SH3PXD2A: variants seen among roughly 807,000 people sequenced by gnomAD.
SH3PXD2A encodes the protein SH3 and PX domain-containing protein 2A.
In SH3PXD2A, 32 loss-of-function variants were observed where a neutral mutation model predicts 115.2. That is an observed-to-expected ratio of 0.28 (90% CI 0.21 to 0.37). The LOEUF (loss-of-function observed/expected upper bound fraction) is 0.37. Ranked by LOEUF, SH3PXD2A falls within the 10% of genes least tolerant of loss-of-function variation. SH3PXD2A has a pLI of 1.00. For missense variants in SH3PXD2A, 1,328 were observed against 1,498.7 expected, an observed-to-expected ratio of 0.89 and a Z score of 1.88; for synonymous variants, 610 against 629.1, an observed-to-expected ratio of 0.97 and a Z score of 0.45.
intron 1 of SH3PXD2A, among the ~76,000 whole-genome samples, chr10:103,851,322 C>G (rs929906561): frequency 4.6e-5 from 7 of 152,124 alleles, no homozygotes; most frequent in Non-Finnish European, 7.4e-5. Context: ...GGACCAGATA[C>G]CAGCCTGAAG....
At chr10:103,667,955 C>T (rs2134076005) in intron 7 of SH3PXD2A, among the ~76,000 whole-genome samples, 1 of 152,354 alleles carries the variant, frequency 6.6e-6, no homozygotes, top group Middle Eastern at 3.4e-3. Flanking sequence ...CAGACACAGG[C>T]CAAGGCCCTA....
chr10:103,610,686 T>C (rs1412211799), intron 13 of SH3PXD2A, among the ~76,000 whole-genome samples: 1 of 152,148 alleles, frequency 6.6e-6, no homozygotes, highest in Non-Finnish European at 1.5e-5. Context: ...CAGGTAGTAT[T>C]ACCAAGCAGG....
chr10:103,727,126 T>C (rs1402941843), intron 4 of SH3PXD2A, among the ~76,000 whole-genome samples: 1 of 152,136 alleles, frequency 6.6e-6, no homozygotes, highest in East Asian at 1.9e-4. Context: ...TCTAATGACA[T>C]GTCACCCCAT....
intron 5 of SH3PXD2A, among the ~76,000 whole-genome samples, chr10:103,710,406 C>T (rs1026661549): frequency 1.3e-5 from 2 of 152,106 alleles, no homozygotes; most frequent in Non-Finnish European, 2.9e-5. Context: ...AAATGTAAAT[C>T]GCTTAGAAGA....
chr10:103,842,220 C>CT (rs1345898440), intron 1 of SH3PXD2A, among the ~76,000 whole-genome samples: 3 of 147,858 alleles, frequency 2.0e-5, no homozygotes, highest in Non-Finnish European at 4.5e-5. Context: ...ATTCAACCCC[C>CT]ATCTCATACA....
At chr10:103,806,470 G>A (rs990271915) in intron 1 of SH3PXD2A, among the ~76,000 whole-genome samples, 2 of 152,102 alleles carry the variant, frequency 1.3e-5, no homozygotes, top group Non-Finnish European at 2.9e-5. Context: ...AAACTTCAGA[G>A]AGAAACCACA....
chr10:103,853,459 T>C (rs572205304), intron 1 of SH3PXD2A, among the ~76,000 whole-genome samples: 4 of 152,218 alleles, frequency 2.6e-5, no homozygotes, highest in Admixed American at 6.5e-5. Context: ...TTACTTGAAA[T>C]TGAGTAAACT....
chr10:103,788,136 A>G (rs1399158499), intron 2 of SH3PXD2A, among the ~76,000 whole-genome samples: 1 of 152,198 alleles, frequency 6.6e-6, no homozygotes, highest in East Asian at 1.9e-4. Flanking sequence ...GGCAGCACCA[A>G]CAATCTCATA....
chr10:103,615,696 T>C (rs1335990177), intron 11 of SH3PXD2A, among the ~76,000 whole-genome samples: 1 of 152,010 alleles, frequency 6.6e-6, no homozygotes, highest in Non-Finnish European at 1.5e-5. Context: ...GACTAGGCCA[T>C]GGGGATAGGA....
In SH3PXD2A at chr10:103,627,062, C is replaced by T. The variant is rs781529716; in HGVS notation, c.718+27G>A. 2 of 1,333,622 alleles carry T rather than the reference C, an allele frequency of 1.5e-6. No individual in the cohort carries two copies. The highest frequency in any genetic ancestry group is 2.2e-6 in the Non-Finnish European group (2 of 924,182). The allele number at this position is 1,333,622 out of a possible 1,614,324, so 82.6% of individuals were successfully genotyped here. The stretch of plus-strand genomic sequence containing the variant: ...CTGCCTCCAGAGGCCGCGTTGCTCC[C>T]TGCCCCTTGGACCTGCAAGCCCTCA... On this transcript the variant is annotated intron_variant, in intron 9 of 14. Coordinates refer to ENST00000369774, the MANE Select transcript of SH3PXD2A (RefSeq NM_001394015.1). The surrounding 1 kb of genome is among the most constrained non-coding windows in gnomAD (Gnocchi z 4.4).
At chr10:103,636,081 TTGAC>T (rs1198244836) in intron 8 of SH3PXD2A, among the ~76,000 whole-genome samples, 2 of 152,098 alleles carry the variant, frequency 1.3e-5, no homozygotes, top group Admixed American at 6.5e-5. Flanking sequence ...CTCTCTCAAA[TTGAC>T]TGATGCTGAC....
intron 8 of SH3PXD2A, among the ~76,000 whole-genome samples, chr10:103,648,675 C>T (rs922766609): frequency 3.3e-5 from 5 of 152,238 alleles, no homozygotes; most frequent in Non-Finnish European, 5.9e-5. Context: ...CATGAAATTC[C>T]ATGACATTCA....
intron 11 of SH3PXD2A, among the ~76,000 whole-genome samples, chr10:103,613,480 G>A (rs2036462340): frequency 6.6e-6 from 1 of 152,206 alleles, no homozygotes; most frequent in South Asian, 2.1e-4. Flanking sequence ...CTTGGGATCA[G>A]ATTTATCAAC....
intron 1 of SH3PXD2A, among the ~76,000 whole-genome samples, chr10:103,839,014 A>G (rs1017025468): frequency 6.6e-6 from 1 of 152,202 alleles, no homozygotes; most frequent in Non-Finnish European, 1.5e-5. Flanking sequence ...ATACAGACCT[A>G]GAAGAACGTC....
chr10:103,758,204 T>C (rs1316243501), intron 3 of SH3PXD2A, among the ~76,000 whole-genome samples: 1 of 152,188 alleles, frequency 6.6e-6, no homozygotes, highest in Non-Finnish European at 1.5e-5. Flanking sequence ...TGTCTCTGGG[T>C]GACTCAGCAC....
At chr10:103,685,780 G>A (rs1054333175) in intron 6 of SH3PXD2A, among the ~76,000 whole-genome samples, 9 of 152,238 alleles carry the variant, frequency 5.9e-5, no homozygotes, top group East Asian at 5.8e-4. Flanking sequence ...AGGCAGAGCC[G>A]GGACATGAAA....
intron 5 of SH3PXD2A, among the ~76,000 whole-genome samples, chr10:103,709,475 G>A (rs963084958): frequency 2.0e-5 from 3 of 152,202 alleles, no homozygotes; most frequent in African/African-American, 7.2e-5. Context: ...TGGAAGGAGA[G>A]GCTGCTCCGA....
At chr10:103,730,279 GT>G (rs34905609) in intron 4 of SH3PXD2A, among the ~76,000 whole-genome samples, 41,495 of 86,968 alleles carry the variant, frequency 0.48, 6,661 homozygotes, top group African/African-American at 0.57. Context: ...GATTTTTTTT[GT>G]TTTTTAATTT....
intron 2 of SH3PXD2A, among the ~76,000 whole-genome samples, chr10:103,800,194 A>C (rs2039134045): frequency 6.6e-6 from 1 of 151,986 alleles, no homozygotes; most frequent in African/African-American, 2.4e-5. Context: ...CTGCTGCTCA[A>C]CTCACACTGA....
Sources: allele counts gnomAD v4.1 joint callset (sites outside exome capture counted in the v4.1 genomes callset), GRCh38; gene constraint gnomAD v4.1.1; non-coding constraint Gnocchi (gnomAD v3.1); transcripts MANE v1.5; gene names NCBI Gene and HGNC (gene_info 2026-07-23, HGNC 2026-07-21).